MAGI3: variants seen among roughly 807,000 people sequenced by gnomAD.
MAGI3 encodes the protein membrane associated guanylate kinase, WW and PDZ domain containing 3.
In MAGI3, 43 loss-of-function variants were observed where a neutral mutation model predicts 121.8. The observed-to-expected ratio is 0.35, with a 90% confidence interval of 0.28 to 0.46. MAGI3 has a LOEUF of 0.46. MAGI3 is among the 20% of genes least tolerant of loss of function. The pLI is 1.00. For missense variants in MAGI3, 1,547 were observed against 1,797.3 expected (o/e 0.86, Z 2.52); for synonymous variants, 553 against 639.3 (o/e 0.86, Z 2.04).
At chr1:113,453,273 G>A (rs1469521561) in intron 1 of MAGI3, among the ~76,000 whole-genome samples, 2 of 152,056 alleles carry the variant, frequency 1.3e-5, no homozygotes, top group African/African-American at 2.4e-5. Flanking sequence ...CATCTTTCTT[G>A]CATAAACAAC....
intron 6 of MAGI3, among the ~76,000 whole-genome samples, chr1:113,608,384 C>T (rs543915136): frequency 3.3e-5 from 5 of 152,270 alleles, no homozygotes; most frequent in African/African-American, 1.2e-4. Flanking sequence ...TCTTCATTCA[C>T]CAGTTTATAG....
At chr1:113,633,303 C>A (rs1298849637) in intron 9 of MAGI3, among the ~76,000 whole-genome samples, 1 of 109,894 alleles carries the variant, frequency 9.1e-6, no homozygotes, top group Non-Finnish European at 1.7e-5. Flanking sequence ...GCTCTGTCGC[C>A]CAGGCTGGAG....
chr1:113,665,992 C>T (rs1200585198), intron 16 of MAGI3, among the ~76,000 whole-genome samples: 2 of 152,144 alleles, frequency 1.3e-5, no homozygotes, highest in African/African-American at 4.8e-5. Context: ...ATACTGTAGT[C>T]TCTTAAGTGT....
chr1:113,540,458 A>C (rs1659236876), intron 1 of MAGI3, among the ~76,000 whole-genome samples: 1 of 152,240 alleles, frequency 6.6e-6, no homozygotes, highest in South Asian at 2.1e-4. Context: ...TTTTCAGAGC[A>C]GGTGGACAAG....
intron 1 of MAGI3, among the ~76,000 whole-genome samples, chr1:113,425,886 G>T (rs974230630): frequency 6.6e-6 from 1 of 151,824 alleles, no homozygotes; most frequent in Non-Finnish European, 1.5e-5. Context: ...TTGTTTAATT[G>T]ATTTTTTATT....
chr1:113,525,706 TG>T (rs1658417510), intron 1 of MAGI3, among the ~76,000 whole-genome samples: 3 of 152,036 alleles, frequency 2.0e-5, no homozygotes, highest in Admixed American at 6.6e-5. Flanking sequence ...TTGGGTTATG[TG>T]AAAGATCATT....
intron 9 of MAGI3, among the ~76,000 whole-genome samples, chr1:113,641,138 GATATATAAATATATATGAGATATATA>G (rs1261770167): frequency 3.9e-5 from 2 of 51,846 alleles, no homozygotes; most frequent in Non-Finnish European, 7.4e-5. Context: ...TTATATATAT[GATATATAAATATATATGAGATATATA>G]TAAATCTATA....
intron 7 of MAGI3, among the ~76,000 whole-genome samples, chr1:113,614,886 C>T (rs77141390): frequency 3.9e-5 from 6 of 152,130 alleles, no homozygotes; most frequent in African/African-American, 7.2e-5. Context: ...GTTGCCTAGA[C>T]AATTAATAGC....
intron 16 of MAGI3, among the ~76,000 whole-genome samples, chr1:113,670,744 A>T (rs1274404717): frequency 6.6e-6 from 1 of 152,192 alleles, no homozygotes; most frequent in Non-Finnish European, 1.5e-5. Flanking sequence ...AGCTCCTTTG[A>T]TACTATAACC....
At chr1:113,506,408 C>T (rs1052586906) in intron 1 of MAGI3, among the ~76,000 whole-genome samples, 1 of 150,474 alleles carries the variant, frequency 6.6e-6, no homozygotes, top group Admixed American at 6.7e-5. Context: ...CTCCAAACCT[C>T]ATATCCCTTT....
At chr1:113,431,128 G>T (rs150919037) in intron 1 of MAGI3, among the ~76,000 whole-genome samples, 128 of 152,180 alleles carry the variant, frequency 8.4e-4, no homozygotes, top group African/African-American at 2.9e-3. Context: ...GGGCCTGGGC[G>T]ATGGAGTGAG....
chr1:113,681,077 G>A (rs1368763181), intron 19 of MAGI3, 121 bp from the exon 20 acceptor site: 5 of 1,120,726 alleles, frequency 4.5e-6, no homozygotes, highest in East Asian at 2.4e-5. Flanking sequence ...CTGGGTACAC[G>A]TTAGGTATTT....
At chr1:113,550,277 T>C (rs10776772) in intron 2 of MAGI3, among the ~76,000 whole-genome samples, 150,833 of 150,872 alleles carry the variant, frequency 1, 75,397 homozygotes, top group Middle Eastern at 1. Flanking sequence ...ATTAGCCGGG[T>C]GCGTCGCAGG....
At chr1:113,553,123 G>A (rs909472475) in intron 2 of MAGI3, among the ~76,000 whole-genome samples, 1 of 152,196 alleles carries the variant, frequency 6.6e-6, no homozygotes, top group Non-Finnish European at 1.5e-5. Flanking sequence ...TGAGCTGTAG[G>A]TGGAACAGGA....
rs189807572 is a variant in MAGI3, at chr1:113,538,700, T to C, written c.317-10815T>C. Among the ~76,000 whole-genome samples the C allele has an allele frequency of 2.1e-4, 32 of 152,150 alleles. No individual in the cohort carries two copies. In the East Asian group the frequency reaches 6.0e-3, roughly 28 times the overall value. The stretch of plus-strand genomic sequence containing the variant: ...TGATATATGACCTTTTAAGGGGAGG[T>C]TGTGGTGATTTTGTTGTGTCTTGTC... On this transcript the variant is annotated intron_variant, in intron 1 of 20. Coordinates refer to ENST00000307546, the MANE Select transcript of MAGI3 (RefSeq NM_001142782.2).
chr1:113,664,824 T>A (rs1212728398), intron 16 of MAGI3, among the ~76,000 whole-genome samples: 1 of 152,180 alleles, frequency 6.6e-6, no homozygotes, highest in Non-Finnish European at 1.5e-5. Context: ...TATGCTTGAG[T>A]TTTTTTCTTG....
At chr1:113,521,625 C>G (rs1053453802) in intron 1 of MAGI3, among the ~76,000 whole-genome samples, 6 of 151,750 alleles carry the variant, frequency 4.0e-5, no homozygotes, top group Non-Finnish European at 8.8e-5. Flanking sequence ...CCAGGATGGT[C>G]TCGATCTCCT....
intron 1 of MAGI3, among the ~76,000 whole-genome samples, chr1:113,428,185 T>C (rs1384090213): frequency 6.6e-6 from 1 of 152,354 alleles, no homozygotes; most frequent in African/African-American, 2.4e-5. Flanking sequence ...ATTAATACTT[T>C]CTGAATTCTG....
chr1:113,411,157 A>G (rs1475794412), intron 1 of MAGI3, among the ~76,000 whole-genome samples: 1 of 152,180 alleles, frequency 6.6e-6, no homozygotes, highest in East Asian at 1.9e-4. Flanking sequence ...TTACCAAAGT[A>G]TTTAAAAACT....
Sources: allele counts gnomAD v4.1 joint callset (sites outside exome capture counted in the v4.1 genomes callset), GRCh38; gene constraint gnomAD v4.1.1; transcripts MANE v1.5; gene names NCBI Gene and HGNC (gene_info 2026-07-23, HGNC 2026-07-21).